Variants in RARB observed in about 807,000 individuals in gnomAD.
RARB encodes retinoic acid receptor beta.
In RARB, 17 loss-of-function variants were observed where a neutral mutation model predicts 51.9. That is an observed-to-expected ratio of 0.33 (90% CI 0.22 to 0.49). The LOEUF (loss-of-function observed/expected upper bound fraction) is 0.49, where lower values mean the gene tolerates loss of function less well. RARB is among the 20% of genes least tolerant of loss of function. The probability of loss-of-function intolerance (pLI) is 0.99; values close to 1 mark genes in which losing one functional copy is unlikely to be tolerated. For synonymous variants in RARB, 215 were observed against 195.4 expected (o/e 1.10, Z -0.84); for missense variants, 369 against 550.8 (o/e 0.67, Z 3.30).
chr3:24,974,819 T>C (rs955766837), intron 2 of RARB, among the ~76,000 whole-genome samples: 2 of 152,168 alleles, frequency 1.3e-5, no homozygotes, highest in African/African-American at 2.4e-5. Flanking sequence ...TTAAAGAAGA[T>C]GAAAGCTTTG....
At chr3:24,887,749 G>A (rs1034166952) in intron 2 of RARB, among the ~76,000 whole-genome samples, 2 of 152,156 alleles carry the variant, frequency 1.3e-5, no homozygotes, top group African/African-American at 2.4e-5. Context: ...TTGCCTTTCA[G>A]TATTTACCTC....
At chr3:25,197,160 G>A (rs903495614) in intron 5 of RARB, among the ~76,000 whole-genome samples, 30 of 152,060 alleles carry the variant, frequency 2.0e-4, no homozygotes, top group African/African-American at 7.0e-4. Flanking sequence ...TGTCCTGAAT[G>A]GTATTGCCTA....
chr3:25,131,351 C>A (rs1699950302), intron 3 of RARB, among the ~76,000 whole-genome samples: 1 of 152,036 alleles, frequency 6.6e-6, no homozygotes, highest in Admixed American at 6.6e-5. Flanking sequence ...ACTTGGCTCC[C>A]TTTGCAGATA....
intron 5 of RARB, among the ~76,000 whole-genome samples, chr3:25,280,816 A>G (rs1642316342): frequency 6.6e-6 from 1 of 151,938 alleles, no homozygotes. Flanking sequence ...TGCTTAATCA[A>G]CCAAGGACAT....
rs924683107 is a variant in RARB at position 25,310,922 on chromosome 3, G to A, written c.178+136347G>A. ...AAATTTGTTACTCGGTTTATATTCC[G>A]TGCCAAGCACTGCCTTGAACTGCAC... On this transcript the variant is annotated intron_variant, in intron 5 of 11. Transcript: ENST00000383772. Among the ~76,000 whole-genome samples the A allele has an allele frequency of 1.4e-4, 22 of 152,268 alleles. 1 individual carries two copies. Among genetic ancestry groups the A allele is most frequent in the East Asian group, 5.8e-4 (3 of 5,172 alleles).
chr3:25,387,871 A>G (rs1706841785), intron 5 of RARB, among the ~76,000 whole-genome samples: 1 of 151,968 alleles, frequency 6.6e-6, no homozygotes, highest in African/African-American at 2.4e-5. Context: ...TCCTTAGGGA[A>G]TAGAAAAAAA....
chr3:25,521,412 G>A (rs1197440732), intron 3 of RARB, among the ~76,000 whole-genome samples: 2 of 152,120 alleles, frequency 1.3e-5, no homozygotes, highest in African/African-American at 2.4e-5. Flanking sequence ...GAATCAACAT[G>A]TGAACTTTGC....
chr3:25,106,299 A>G (rs1249326154), intron 3 of RARB, among the ~76,000 whole-genome samples: 2 of 43,168 alleles, frequency 4.6e-5, no homozygotes, highest in Admixed American at 3.3e-4. Context: ...TTTTTTTGAG[A>G]CAGAGTCTCA....
intron 5 of RARB, among the ~76,000 whole-genome samples, chr3:25,238,152 C>CA (rs1313364064): frequency 6.7e-6 from 1 of 148,806 alleles, no homozygotes. Context: ...CCTCCAGCGC[C>CA]CCCCCACACA....
At chr3:24,912,966 G>A (rs2125380574) in intron 2 of RARB, among the ~76,000 whole-genome samples, 2 of 100,814 alleles carry the variant, frequency 2.0e-5, no homozygotes, top group Admixed American at 2.6e-4. Context: ...CGCACACAAG[G>A]TACTGATTCT....
At chr3:25,294,206 T>C (rs1009259740) in intron 5 of RARB, among the ~76,000 whole-genome samples, 6 of 152,156 alleles carry the variant, frequency 3.9e-5, no homozygotes, top group Admixed American at 3.9e-4. Flanking sequence ...CATATGTTGA[T>C]TATGTTGTCA....
chr3:25,548,642 CAAA>C (rs35411774), intron 3 of RARB, among the ~76,000 whole-genome samples: 9 of 73,590 alleles, frequency 1.2e-4, no homozygotes, highest in African/African-American at 2.4e-4. Context: ...CCTCCCCCGA[CAAA>C]AAAAAAAAAA....
At chr3:25,230,916 C>G (rs1471814841) in intron 5 of RARB, among the ~76,000 whole-genome samples, 1 of 152,116 alleles carries the variant, frequency 6.6e-6, no homozygotes, top group Non-Finnish European at 1.5e-5. Flanking sequence ...TTAGACAACA[C>G]AAATCTAGTT....
chr3:25,523,865 T>C (rs1698517463), intron 3 of RARB, among the ~76,000 whole-genome samples: 1 of 152,224 alleles, frequency 6.6e-6, no homozygotes, highest in African/African-American at 2.4e-5. Flanking sequence ...ATTAGTAACA[T>C]TGCATTATTT....
At chr3:25,360,842 G>C (rs1015607631) in intron 5 of RARB, among the ~76,000 whole-genome samples, 4 of 152,192 alleles carry the variant, frequency 2.6e-5, no homozygotes, top group African/African-American at 9.7e-5. Context: ...TCTGCAGAGA[G>C]ATCCACTGTT....
chr3:25,417,968 C>T (rs1420185189), intron 5 of RARB, among the ~76,000 whole-genome samples: 1 of 152,310 alleles, frequency 6.6e-6, no homozygotes, highest in Admixed American at 6.5e-5. Context: ...CCTTGCCTCC[C>T]TCTGGGTTGC....
chr3:25,498,223 A>G (rs1697133260), intron 2 of RARB, among the ~76,000 whole-genome samples: 1 of 152,188 alleles, frequency 6.6e-6, no homozygotes. Context: ...AAATTGAAAT[A>G]TTAGCTAAGT....
chr3:24,863,786 T>C (rs994253506), intron 2 of RARB, among the ~76,000 whole-genome samples: 1 of 152,086 alleles, frequency 6.6e-6, no homozygotes, highest in African/African-American at 2.4e-5. Context: ...CTAATCTTAT[T>C]TGATAACCTC....
At chr3:25,251,625 G>T (rs1179418863) in intron 5 of RARB, among the ~76,000 whole-genome samples, 1 of 152,076 alleles carries the variant, frequency 6.6e-6, no homozygotes, top group Admixed American at 6.6e-5. Flanking sequence ...TGTTGGACAG[G>T]TTTTCATGTG....
Sources: gnomAD v4.1 joint callset for allele counts (sites outside exome capture counted in the v4.1 genomes callset) on GRCh38, gnomAD v4.1.1 for gene constraint, MANE v1.5 for transcripts, NCBI Gene and HGNC (gene_info 2026-07-23, HGNC 2026-07-21) for gene names.